SDK1: variants seen among roughly 807,000 people sequenced by gnomAD.
SDK1 encodes the protein sidekick cell adhesion molecule 1.
SDK1 carries 157 observed loss-of-function variants against 245.5 expected under a neutral mutation model. That is an observed-to-expected ratio of 0.64 (90% CI 0.56 to 0.73). The LOEUF (loss-of-function observed/expected upper bound fraction) is 0.73, where lower values mean the gene tolerates loss of function less well. SDK1 is among the 30% of genes least tolerant of loss of function. The pLI is 0.00. For missense variants in SDK1, 3,583 were observed against 3,002.3 expected (o/e 1.19, Z -4.52); for synonymous variants, 1,647 against 1,278.5 (o/e 1.29, Z -6.15).
intron 4 of SDK1, among the ~76,000 whole-genome samples, chr7:3,710,754 A>G (rs907235938): frequency 1.3e-5 from 2 of 152,206 alleles, no homozygotes; most frequent in East Asian, 1.9e-4. Flanking sequence ...TGGGCCAACA[A>G]TCTTGGCAGC....
chr7:3,666,701 C>G (rs1179500426), intron 4 of SDK1, among the ~76,000 whole-genome samples: 1 of 152,094 alleles, frequency 6.6e-6, no homozygotes, highest in Non-Finnish European at 1.5e-5. Context: ...TTGTTTTATG[C>G]CTAATATTAA....
intron 4 of SDK1, among the ~76,000 whole-genome samples, chr7:3,764,996 A>T (rs763518188): frequency 6.6e-6 from 1 of 152,266 alleles, no homozygotes; most frequent in African/African-American, 2.4e-5. Flanking sequence ...TATGAATCTC[A>T]AGTATCTCAG....
At chr7:4,157,438 A>AGGGAGGAGG (rs1554368196) in intron 30 of SDK1, among the ~76,000 whole-genome samples, 1 of 103,368 alleles carries the variant, frequency 9.7e-6, no homozygotes, top group African/African-American at 5.0e-5. Flanking sequence ...AGGCAAGAGA[A>AGGGAGGAGG]AAGGAGGGAA....
intron 1 of SDK1, among the ~76,000 whole-genome samples, chr7:3,555,120 A>G (rs548207361): frequency 1.3e-5 from 2 of 152,294 alleles, no homozygotes; most frequent in South Asian, 2.1e-4. Context: ...CCAAGAATAG[A>G]CAAATTTATC....
intron 5 of SDK1, among the ~76,000 whole-genome samples, chr7:3,904,987 C>T (rs1449403036): frequency 1.2e-4 from 15 of 126,574 alleles, no homozygotes; most frequent in East Asian, 6.0e-4. Flanking sequence ...AGCGAGACTC[C>T]GTCTCAAAAA....
chr7:3,578,515 T>G (rs773770531), intron 1 of SDK1, among the ~76,000 whole-genome samples: 7 of 151,976 alleles, frequency 4.6e-5, no homozygotes, highest in Non-Finnish European at 1.0e-4. Flanking sequence ...GTACAGGGTT[T>G]CCCAATCCTG....
intron 1 of SDK1, among the ~76,000 whole-genome samples, chr7:3,615,917 C>T (rs769359652): frequency 4.6e-5 from 7 of 151,674 alleles, no homozygotes; most frequent in Non-Finnish European, 1.0e-4. Flanking sequence ...TGGTCTGTCA[C>T]CCACACTGCC....
chr7:3,854,602 G>C (rs1212922983), intron 5 of SDK1, among the ~76,000 whole-genome samples: 1 of 152,138 alleles, frequency 6.6e-6, no homozygotes, highest in Non-Finnish European at 1.5e-5. Flanking sequence ...TTTTATTCAT[G>C]AAATTTTAGA....
rs374472166 is a variant in SDK1 at position 3,962,796 on chromosome 7, C to T, written c.1374C>T (p.Cys458=). The T allele has an allele frequency of 9.4e-5, 152 of 1,613,550 alleles. 1 individual carries two copies. Among genetic ancestry groups the T allele is most frequent in the Non-Finnish European group, 1.2e-4 (144 of 1,179,850 alleles). ...LRPEDSGIFQ[C]FASNEGGEIQ... ...CAGAGGACTCCGGAATCTTCCAGTG[C>T]TTCGCCAGCAATGAAGGAGGGGAGA... The change falls in exon 9 of 45, where the codon TGC becomes TGT. Residue 458 remains cysteine, a synonymous_variant. Transcript: ENST00000404826.
chr7:3,525,506 C>T (rs1783097249), intron 1 of SDK1, among the ~76,000 whole-genome samples: 1 of 152,190 alleles, frequency 6.6e-6, no homozygotes, highest in African/African-American at 2.4e-5. Context: ...GAACTGAACT[C>T]GGCATCTCCC....
intron 1 of SDK1, among the ~76,000 whole-genome samples, chr7:3,591,803 C>T (rs116847939): frequency 0.014 from 2,207 of 152,262 alleles, 24 homozygotes; most frequent in South Asian, 0.046. Context: ...TTTTAAAGTA[C>T]TTGCAAAATT....
chr7:3,814,760 C>G (rs563457306), intron 4 of SDK1, among the ~76,000 whole-genome samples: 1 of 150,216 alleles, frequency 6.7e-6, no homozygotes, highest in African/African-American at 2.5e-5. Context: ...GAATGTTCTT[C>G]CATTTGTTTG....
chr7:3,977,455 T>G (rs1309759181), intron 13 of SDK1, among the ~76,000 whole-genome samples: 1 of 152,210 alleles, frequency 6.6e-6, no homozygotes, highest in Non-Finnish European at 1.5e-5. Context: ...TGTGTACGCA[T>G]GGGGCAGCCA....
At chr7:3,685,037 A>C (rs184736049) in intron 4 of SDK1, among the ~76,000 whole-genome samples, 65 of 152,296 alleles carry the variant, frequency 4.3e-4, no homozygotes, top group African/African-American at 1.5e-3. Context: ...AGAATTCATA[A>C]GGAGATGAGA....
At chr7:4,152,840 T>G (rs1562892998) in intron 30 of SDK1, among the ~76,000 whole-genome samples, 2 of 152,346 alleles carry the variant, frequency 1.3e-5, no homozygotes, top group South Asian at 4.1e-4. Flanking sequence ...ATTTGGTGAC[T>G]GTGACTACGT....
chr7:4,199,320 G>A (rs879784322), intron 35 of SDK1, among the ~76,000 whole-genome samples: 3 of 151,552 alleles, frequency 2.0e-5, no homozygotes, highest in Non-Finnish European at 3.0e-5. Flanking sequence ...CACACAGTCC[G>A]CAAGCCGCAG....
intron 1 of SDK1, among the ~76,000 whole-genome samples, chr7:3,506,500 A>G (rs1326106841): frequency 1.3e-5 from 2 of 152,132 alleles, no homozygotes; most frequent in Non-Finnish European, 2.9e-5. Context: ...AATTTGCCAA[A>G]TTTTTAACAT....
Position 4,170,339 on chromosome 7 carries a change from C to T in SDK1, c.4801-3883C>T, listed in dbSNP as rs543718875. Among the ~76,000 whole-genome samples, 25 of 152,062 alleles carry T rather than the reference C, an allele frequency of 1.6e-4. No homozygotes were observed. In the South Asian group the frequency reaches 3.3e-3, roughly 20 times the overall value. ...GTGCAGGTCTGTAGTCCCAGCTACT[C>T]GGGAGGCTGAGGCAGGAGGATCGCT... On this transcript the variant is annotated intron_variant, in intron 32 of 44. Transcript: ENST00000404826.
At chr7:3,871,327 G>C (rs1780950750) in intron 5 of SDK1, among the ~76,000 whole-genome samples, 1 of 152,092 alleles carries the variant, frequency 6.6e-6, no homozygotes, top group Admixed American at 6.5e-5. Flanking sequence ...CAGATTCTGT[G>C]GGAGTTTCTA....
Sources: allele counts gnomAD v4.1 joint callset (sites outside exome capture counted in the v4.1 genomes callset), GRCh38; gene constraint gnomAD v4.1.1; transcripts MANE v1.5; gene names NCBI Gene and HGNC (gene_info 2026-07-23, HGNC 2026-07-21).